FBXL13: variants seen among roughly 807,000 people sequenced by gnomAD.
FBXL13 encodes F-box and leucine-rich repeat protein 13.
Under a neutral mutation model 83.6 loss-of-function variants are expected in FBXL13, and 67 were observed. That is an observed-to-expected ratio of 0.80 (90% CI 0.66 to 0.98). The LOEUF (loss-of-function observed/expected upper bound fraction) is 0.98. FBXL13 is among the 50% of genes least tolerant of loss of function. The probability of loss-of-function intolerance (pLI) is 0.00; values close to 1 mark genes in which losing one functional copy is unlikely to be tolerated. For synonymous variants in FBXL13, 272 were observed against 299.5 expected, an observed-to-expected ratio of 0.91 and a Z score of 0.95; for missense variants, 822 against 866.5, an observed-to-expected ratio of 0.95 and a Z score of 0.64.
At chr7:103,049,568 CA>C (rs1175528670) in intron 2 of FBXL13, among the ~76,000 whole-genome samples, 1 of 152,152 alleles carries the variant, frequency 6.6e-6, no homozygotes, top group African/African-American at 2.4e-5. Flanking sequence ...TTCCATTCAC[CA>C]GTTTTTAAGT....
intron 17 of FBXL13, among the ~76,000 whole-genome samples, chr7:102,836,506 T>C (rs1460301159): frequency 3.3e-5 from 5 of 152,252 alleles, no homozygotes; most frequent in Non-Finnish European, 7.3e-5. Context: ...CTATCGATGC[T>C]GCTGATTTTC....
chr7:102,914,333 A>C (rs1291108863), intron 10 of FBXL13, among the ~76,000 whole-genome samples: 1 of 152,226 alleles, frequency 6.6e-6, no homozygotes, highest in Non-Finnish European at 1.5e-5. Flanking sequence ...TTGGCCTCCC[A>C]AAGTGCTCGG....
intron 6 of FBXL13, among the ~76,000 whole-genome samples, chr7:102,976,586 C>A (rs1317113994): frequency 1.3e-5 from 2 of 152,130 alleles, no homozygotes; most frequent in Non-Finnish European, 2.9e-5. Flanking sequence ...TATCCCCCAT[C>A]TGTAGTTAGC....
At chr7:103,028,562 T>C in intron 4 of FBXL13, 38 bp downstream of exon 5, 1 of 1,418,858 alleles carries the variant, frequency 7.0e-7, no homozygotes, top group Non-Finnish European at 9.4e-7. Context: ...TTTCAATAAA[T>C]GGATACAAAA....
chr7:102,849,908 CAG>C (rs1378029255), intron 17 of FBXL13, among the ~76,000 whole-genome samples: 1 of 151,782 alleles, frequency 6.6e-6, no homozygotes, highest in Admixed American at 6.6e-5. Flanking sequence ...GGAGGGAACT[CAG>C]AGTACAGGTC....
chr7:102,940,136 C>A (rs141402916), intron 8 of FBXL13, among the ~76,000 whole-genome samples: 1 of 151,832 alleles, frequency 6.6e-6, no homozygotes, highest in African/African-American at 2.4e-5. Context: ...TCAGGTGATC[C>A]GCCCACCTTG....
intron 6 of FBXL13, among the ~76,000 whole-genome samples, chr7:103,012,101 C>T (rs759352148): frequency 5.9e-5 from 9 of 152,040 alleles, no homozygotes; most frequent in Admixed American, 1.3e-4. Flanking sequence ...TAGGGCCGGG[C>T]GCAGTGGCTC....
chr7:102,876,145 C>T (rs917332), intron 16 of FBXL13, among the ~76,000 whole-genome samples: 4,472 of 152,226 alleles, frequency 0.029, 205 homozygotes, highest in East Asian at 0.16. Flanking sequence ...GACAGCCTCA[C>T]AGGATCTCCA....
At chr7:102,885,774 C>T (rs1478732015) in intron 11 of FBXL13, among the ~76,000 whole-genome samples, 1 of 152,102 alleles carries the variant, frequency 6.6e-6, no homozygotes, top group Non-Finnish European at 1.5e-5. Context: ...AGGTTATTGA[C>T]CATTTTGTGT....
intron 11 of FBXL13, among the ~76,000 whole-genome samples, chr7:102,896,723 T>A (rs968422414): frequency 5.3e-5 from 8 of 152,162 alleles, no homozygotes; most frequent in African/African-American, 1.9e-4. Context: ...TGTGTCCAAA[T>A]TTCCTTCTTG....
intron 17 of FBXL13, 142 bp downstream of exon 18, chr7:102,854,631 GTTAC>G (rs1562998712): frequency 1.3e-5 from 6 of 468,662 alleles, no homozygotes; most frequent in African/African-American, 2.0e-5. Flanking sequence ...TTATTTTGTA[GTTAC>G]TTAAGAACTA....
At chr7:103,068,620 C>A (rs975246107) in intron 1 of FBXL13, among the ~76,000 whole-genome samples, 2 of 152,156 alleles carry the variant, frequency 1.3e-5, no homozygotes, top group African/African-American at 2.4e-5. Context: ...TCCCTGGGAA[C>A]GTGTGCCAGC....
At chr7:102,846,971 ATGGT>A (rs1426078048) in intron 17 of FBXL13, among the ~76,000 whole-genome samples, 1 of 152,126 alleles carries the variant, frequency 6.6e-6, no homozygotes, top group Non-Finnish European at 1.5e-5. Flanking sequence ...TATATTTTGA[ATGGT>A]TGAAAAAAAA....
chr7:103,067,510 T>C (rs1333917522), intron 1 of FBXL13, among the ~76,000 whole-genome samples: 2 of 152,236 alleles, frequency 1.3e-5, no homozygotes, highest in African/African-American at 2.4e-5. Flanking sequence ...GGCTAGGTTA[T>C]AAAAGGAGAT....
chr7:103,055,534 A>T (rs1797249369), intron 2 of FBXL13, 110 bp downstream of exon 2: 1 of 416,882 alleles, frequency 2.4e-6, no homozygotes, highest in Admixed American at 4.2e-5. Context: ...ATTCCTTAAC[A>T]ATCTTGAGAT....
chr7:102,937,592 G>A (rs932130409), intron 8 of FBXL13, among the ~76,000 whole-genome samples: 1 of 151,024 alleles, frequency 6.6e-6, no homozygotes, highest in Non-Finnish European at 1.5e-5. Flanking sequence ...TATAAATCTA[G>A]TGATTCATTT....
At chr7:103,017,407 A>T (rs915242913) in intron 6 of FBXL13, among the ~76,000 whole-genome samples, 1 of 152,144 alleles carries the variant, frequency 6.6e-6, no homozygotes, top group Non-Finnish European at 1.5e-5. Context: ...AAATTCTAAA[A>T]ATCAGAGCAC....
intron 9 of FBXL13, among the ~76,000 whole-genome samples, chr7:102,929,663 C>CAA (rs35025022): frequency 0.036 from 3,249 of 90,350 alleles, 210 homozygotes; most frequent in African/African-American, 0.13. Flanking sequence ...GACTCCATCT[C>CAA]AAAAAAAAAA....
chr7:102,923,666 C>G (rs942697413), intron 10 of FBXL13, among the ~76,000 whole-genome samples: 1 of 151,412 alleles, frequency 6.6e-6, no homozygotes, highest in African/African-American at 2.4e-5. Context: ...ACTAAAAATA[C>G]AAAAAAACTT....
Sources: gnomAD v4.1 joint callset for allele counts (sites outside exome capture counted in the v4.1 genomes callset) on GRCh38, gnomAD v4.1.1 for gene constraint, MANE v1.5 for transcripts, NCBI Gene and HGNC (gene_info 2026-07-23, HGNC 2026-07-21) for gene names.